The following CLSTN2 variants were observed in gnomAD, a reference collection of about 807,000 sequenced individuals.
CLSTN2 encodes the protein calsyntenin-2.
Under a neutral mutation model 101.2 loss-of-function variants are expected in CLSTN2, and 48 were observed. The ratio of observed to expected loss-of-function variants is 0.47; its 90% CI spans 0.38 to 0.60. The LOEUF (loss-of-function observed/expected upper bound fraction) is 0.60. CLSTN2 is among the 20% of genes least tolerant of loss of function. CLSTN2 has a pLI of 0.00. For missense variants in CLSTN2, 1,160 were observed against 1,238.2 expected, an observed-to-expected ratio of 0.94 and a Z score of 0.95; for synonymous variants, 481 against 463.6, an observed-to-expected ratio of 1.04 and a Z score of -0.48.
rs530345374 is a variant in CLSTN2, at chr3:140,162,215, G to A, written c.110-13736G>A. Among the ~76,000 whole-genome samples, 65 of 152,174 alleles carry A rather than the reference G, an allele frequency of 4.3e-4. No individual in the cohort carries two copies. In the East Asian group the frequency reaches 0.012, roughly 28 times the overall value. On this transcript the variant is annotated intron_variant, in intron 1 of 16. Coordinates refer to ENST00000458420, the MANE Select transcript of CLSTN2 (RefSeq NM_022131.3). Reference sequence around the variant, plus strand: ...TTTTGACCTTGTGAACCCCTGAAAGGGTCTCAGAGACCCTCCCAAGGGTTC... The same window carrying A: ...TTTTGACCTTGTGAACCCCTGAAAGAGTCTCAGAGACCCTCCCAAGGGTTC...
At chr3:140,499,790 C>T (rs1013903830) in intron 8 of CLSTN2, among the ~76,000 whole-genome samples, 6 of 152,208 alleles carry the variant, frequency 3.9e-5, no homozygotes, top group Non-Finnish European at 5.9e-5. Flanking sequence ...TCTGGCTGGG[C>T]GCGGTGGCTC....
chr3:140,072,142 T>G (rs906154788), intron 1 of CLSTN2, among the ~76,000 whole-genome samples: 2 of 152,246 alleles, frequency 1.3e-5, no homozygotes, highest in Admixed American at 6.5e-5. Context: ...ATAGGTATGC[T>G]CAAACACACA....
At chr3:139,978,741 T>C (rs995746426) in intron 1 of CLSTN2, among the ~76,000 whole-genome samples, 1 of 150,662 alleles carries the variant, frequency 6.6e-6, no homozygotes, top group African/African-American at 2.4e-5. Context: ...TAAATCCTCA[T>C]CTTCCAAAGT....
At chr3:140,174,669 A>G (rs2010293626) in intron 1 of CLSTN2, among the ~76,000 whole-genome samples, 1 of 152,244 alleles carries the variant, frequency 6.6e-6, no homozygotes, top group South Asian at 2.1e-4. Context: ...AGGAAGCCGT[A>G]AAAGCGGAAA....
chr3:140,288,521 G>A (rs1016281929), intron 2 of CLSTN2, among the ~76,000 whole-genome samples: 1 of 152,122 alleles, frequency 6.6e-6, no homozygotes, highest in African/African-American at 2.4e-5. Flanking sequence ...GCAGCTAATT[G>A]AGACACTTTT....
chr3:140,534,016 A>G (rs1372601716), intron 9 of CLSTN2, among the ~76,000 whole-genome samples: 3 of 152,174 alleles, frequency 2.0e-5, no homozygotes, highest in Admixed American at 1.3e-4. Context: ...CTTGGCAATG[A>G]GAGTATCTTC....
intron 1 of CLSTN2, among the ~76,000 whole-genome samples, chr3:140,092,688 T>C (rs1323946529): frequency 1.3e-5 from 2 of 152,158 alleles, no homozygotes; most frequent in African/African-American, 2.4e-5. Flanking sequence ...TGATCCCTGC[T>C]CTCAAACCTG....
At chr3:139,992,516 G>A (rs9834731) in intron 1 of CLSTN2, among the ~76,000 whole-genome samples, 45,499 of 152,088 alleles carry the variant, frequency 0.3, 8,425 homozygotes, top group South Asian at 0.42. Context: ...AGCCTCTAGT[G>A]CTATTTTTCC....
intron 9 of CLSTN2, among the ~76,000 whole-genome samples, chr3:140,536,324 T>G (rs1935358752): frequency 6.6e-6 from 1 of 151,964 alleles, no homozygotes; most frequent in Admixed American, 6.6e-5. Context: ...ATTGTGTAAA[T>G]TTTAGAACAT....
At chr3:140,119,673 T>C (rs1444760918) in intron 1 of CLSTN2, among the ~76,000 whole-genome samples, 1 of 152,104 alleles carries the variant, frequency 6.6e-6, no homozygotes, top group East Asian at 1.9e-4. Flanking sequence ...CACACCTAGC[T>C]AATTTTTGTA....
At chr3:140,125,549 G>A (rs904495046) in intron 1 of CLSTN2, among the ~76,000 whole-genome samples, 2 of 152,062 alleles carry the variant, frequency 1.3e-5, no homozygotes. Context: ...TGAGGTGAAG[G>A]TATCAGCTGA....
At chr3:140,157,956 C>G (rs1037788713) in intron 1 of CLSTN2, among the ~76,000 whole-genome samples, 2 of 152,144 alleles carry the variant, frequency 1.3e-5, no homozygotes, top group African/African-American at 2.4e-5. Context: ...TCAATAAAAT[C>G]CAGTGTCCCT....
At chr3:139,955,113 T>C (rs1233555249) in intron 1 of CLSTN2, among the ~76,000 whole-genome samples, 7 of 8,382 alleles carry the variant, frequency 8.4e-4, no homozygotes, top group Non-Finnish European at 1.7e-3. Context: ...GCAATATTGC[T>C]ATATATATAT....
intron 1 of CLSTN2, among the ~76,000 whole-genome samples, chr3:140,106,074 A>C (rs1187994761): frequency 6.6e-6 from 1 of 152,172 alleles, no homozygotes; most frequent in Non-Finnish European, 1.5e-5. Flanking sequence ...CAGACACCTG[A>C]AGCTGCCTTA....
chr3:140,171,721 A>G (rs1184029851), intron 1 of CLSTN2, among the ~76,000 whole-genome samples: 16 of 113,970 alleles, frequency 1.4e-4, no homozygotes, highest in African/African-American at 4.3e-4. Flanking sequence ...TATGTATTAT[A>G]TATTATATAT....
intron 2 of CLSTN2, among the ~76,000 whole-genome samples, chr3:140,198,012 G>A (rs182998203): frequency 6.6e-6 from 1 of 152,284 alleles, no homozygotes; most frequent in East Asian, 1.9e-4. Flanking sequence ...GGCTCTTGAA[G>A]TGGTCTTGAA....
chr3:140,439,740 C>A (rs73228995), intron 5 of CLSTN2, among the ~76,000 whole-genome samples: 9 of 116,290 alleles, frequency 7.7e-5, no homozygotes, highest in Admixed American at 1.9e-4. Context: ...CACACGTGCA[C>A]GTGCACACAC....
intron 1 of CLSTN2, among the ~76,000 whole-genome samples, chr3:140,031,528 A>C (rs575195684): frequency 6.6e-6 from 1 of 152,358 alleles, no homozygotes; most frequent in African/African-American, 2.4e-5. Flanking sequence ...CTGTTTTGCT[A>C]TCCAACTTTC....
At chr3:140,023,788 G>A (rs1478650908) in intron 1 of CLSTN2, among the ~76,000 whole-genome samples, 4 of 152,128 alleles carry the variant, frequency 2.6e-5, no homozygotes, top group South Asian at 2.1e-4. Flanking sequence ...TCACCTCCCC[G>A]CTTCGCTCAC....
Sources: allele counts gnomAD v4.1 joint callset (sites outside exome capture counted in the v4.1 genomes callset), GRCh38; gene constraint gnomAD v4.1.1; transcripts MANE v1.5; gene names NCBI Gene and HGNC (gene_info 2026-07-23, HGNC 2026-07-21).